The following MGAT4C variants were observed in gnomAD, a reference collection of about 807,000 sequenced individuals.
MGAT4C encodes MGAT4 family member C.
A neutral mutation model predicts 40.1 loss-of-function variants in MGAT4C; 19 were observed. That is an observed-to-expected ratio of 0.47 (90% CI 0.33 to 0.70). The LOEUF (loss-of-function observed/expected upper bound fraction) is 0.70, where lower values mean the gene tolerates loss of function less well. Ranked by LOEUF, MGAT4C falls within the 30% of genes least tolerant of loss-of-function variation. MGAT4C has a pLI of 0.02. For synonymous variants in MGAT4C, 181 were observed against 187.1 expected (o/e 0.97, Z 0.27); for missense variants, 491 against 563.2 (o/e 0.87, Z 1.30).
intron 2 of MGAT4C, among the ~76,000 whole-genome samples, chr12:86,047,704 G>A (rs1565906529): frequency 6.6e-6 from 1 of 152,010 alleles, no homozygotes; most frequent in Non-Finnish European, 1.5e-5. Context: ...GTGCTGCCTG[G>A]AGAAAATAAA....
chr12:86,693,050 C>G (rs1019610203), intron 2 of MGAT4C, among the ~76,000 whole-genome samples: 3 of 147,770 alleles, frequency 2.0e-5, no homozygotes, highest in Admixed American at 6.8e-5. Context: ...GATTGGATCG[C>G]CATTAGATAT....
chr12:86,320,005 GT>G (rs1484470138), intron 4 of MGAT4C, among the ~76,000 whole-genome samples: 6 of 152,050 alleles, frequency 3.9e-5, no homozygotes, highest in Admixed American at 6.6e-5. Flanking sequence ...GGTTCTTATT[GT>G]TTTTCTTTTG....
In MGAT4C at chr12:85,979,172, T is replaced by A. The variant is rs1016080874; in HGVS notation, c.*117A>T. On this transcript the variant is annotated 3_prime_UTR_variant, in exon 5 of 5. Coordinates refer to ENST00000611864, the MANE Select transcript of MGAT4C (RefSeq NM_001351288.2). ...ACAATGTATAAATGAAAACTGCCAA[T>A]GTAATTAATGTTTCTTTTAACATAT... is the stretch of plus-strand genomic sequence containing the variant. 2.7e-6 allele frequency: 2 copies of A among 745,760 alleles called. No homozygotes were observed. The highest frequency in any genetic ancestry group is 4.2e-6 in the Non-Finnish European group (2 of 472,060). The allele number at this position is 745,760 out of a possible 1,614,324, so 46.2% of individuals were successfully genotyped here. A position where few individuals can be genotyped will look rare whatever the true frequency, so the allele number is the denominator to read the frequency against.
At chr12:86,361,501 T>A (rs906218012) in intron 3 of MGAT4C, among the ~76,000 whole-genome samples, 1 of 152,130 alleles carries the variant, frequency 6.6e-6, no homozygotes, top group South Asian at 2.1e-4. Context: ...CTAATTAAAC[T>A]AAACAGCTTC....
At chr12:86,248,478 C>A (rs909745422) in intron 1 of MGAT4C, among the ~76,000 whole-genome samples, 1 of 147,492 alleles carries the variant, frequency 6.8e-6, no homozygotes, top group Admixed American at 6.7e-5. Flanking sequence ...TATTTTCTAC[C>A]CTCAGAACCA....
chr12:86,800,253 TAAAG>T (rs1008118785), intron 1 of MGAT4C, among the ~76,000 whole-genome samples: 3 of 151,840 alleles, frequency 2.0e-5, no homozygotes, highest in Non-Finnish European at 2.9e-5. Flanking sequence ...CAACTCTCAC[TAAAG>T]AAACTCCCTC....
intron 3 of MGAT4C, among the ~76,000 whole-genome samples, chr12:86,434,227 T>C (rs1318488050): frequency 6.6e-6 from 1 of 151,954 alleles, no homozygotes; most frequent in African/African-American, 2.4e-5. Context: ...AGCTCTTTGG[T>C]TGTAAAGTCT....
intron 1 of MGAT4C, among the ~76,000 whole-genome samples, chr12:86,187,197 T>C (rs4842557): frequency 0.073 from 11,150 of 152,114 alleles, 575 homozygotes; most frequent in Middle Eastern, 0.22. Context: ...AAAGATCAAA[T>C]CTCTACTATA....
At chr12:86,371,147 C>A (rs1429060565) in intron 3 of MGAT4C, among the ~76,000 whole-genome samples, 2 of 151,914 alleles carry the variant, frequency 1.3e-5, no homozygotes, top group South Asian at 2.1e-4. Flanking sequence ...ACTAAATATT[C>A]GAAAATTCCT....
At chr12:86,039,828 T>C (rs1423102078) in intron 2 of MGAT4C, among the ~76,000 whole-genome samples, 2 of 152,208 alleles carry the variant, frequency 1.3e-5, no homozygotes, top group Non-Finnish European at 2.9e-5. Flanking sequence ...TTGTCAGCCT[T>C]TTTGCATTGG....
intron 1 of MGAT4C, among the ~76,000 whole-genome samples, chr12:86,142,467 T>C (rs1454472983): frequency 6.6e-6 from 1 of 152,170 alleles, no homozygotes; most frequent in African/African-American, 2.4e-5. Context: ...TCAAATGAGG[T>C]ATTTTACATC....
intron 2 of MGAT4C, among the ~76,000 whole-genome samples, chr12:86,477,812 T>C (rs1020957213): frequency 3.3e-5 from 5 of 152,096 alleles, no homozygotes; most frequent in Non-Finnish European, 4.4e-5. Flanking sequence ...GTTATCATTG[T>C]TCAATTCCCA....
intron 3 of MGAT4C, among the ~76,000 whole-genome samples, chr12:86,342,122 C>T (rs1954918969): frequency 6.6e-6 from 1 of 151,994 alleles, no homozygotes; most frequent in Non-Finnish European, 1.5e-5. Flanking sequence ...GCAACAGGTC[C>T]ATACCTCCCT....
intron 1 of MGAT4C, among the ~76,000 whole-genome samples, chr12:86,766,585 A>T: frequency 6.7e-6 from 1 of 149,884 alleles, no homozygotes; most frequent in Non-Finnish European, 1.5e-5. Context: ...GCACCACACC[A>T]CACCTATTCC....
chr12:86,371,447 A>G (rs1955712807), intron 3 of MGAT4C, among the ~76,000 whole-genome samples: 1 of 152,050 alleles, frequency 6.6e-6, no homozygotes, highest in Non-Finnish European at 1.5e-5. Flanking sequence ...AACACCAATG[A>G]AAGTGTTCAG....
chr12:86,554,676 C>G (rs1276430812), intron 2 of MGAT4C, among the ~76,000 whole-genome samples: 1 of 152,214 alleles, frequency 6.6e-6, no homozygotes. Context: ...TCACTAGACT[C>G]ATTTTCTCTT....
At chr12:86,791,452 T>C (rs1952020097) in intron 1 of MGAT4C, among the ~76,000 whole-genome samples, 1 of 151,304 alleles carries the variant, frequency 6.6e-6, no homozygotes, top group African/African-American at 2.4e-5. Context: ...TTTTTTTTTT[T>C]CCTCTTAACC....
intron 4 of MGAT4C, among the ~76,000 whole-genome samples, chr12:86,281,933 T>C (rs1953228803): frequency 6.6e-6 from 1 of 152,154 alleles, no homozygotes; most frequent in Admixed American, 6.6e-5. Context: ...TATTGTTGCT[T>C]TTATTTAAAG....
chr12:86,021,301 C>T (rs527862810), intron 2 of MGAT4C, among the ~76,000 whole-genome samples: 116 of 151,984 alleles, frequency 7.6e-4, no homozygotes, highest in Middle Eastern at 3.4e-3. Context: ...ATGTTTATTG[C>T]GGCACTATTC....
Sources: allele counts gnomAD v4.1 joint callset (sites outside exome capture counted in the v4.1 genomes callset), GRCh38; gene constraint gnomAD v4.1.1; transcripts MANE v1.5; gene names NCBI Gene and HGNC (gene_info 2026-07-23, HGNC 2026-07-21).